Variants in SPATS2 observed in about 807,000 individuals in gnomAD.
The protein encoded by SPATS2 is spermatogenesis-associated serine-rich protein 2.
Under a neutral mutation model 63.7 loss-of-function variants are expected in SPATS2, and 38 were observed. The ratio of observed to expected loss-of-function variants is 0.60; its 90% CI spans 0.46 to 0.78. The LOEUF (loss-of-function observed/expected upper bound fraction) is 0.78. Among genes scored for constraint, SPATS2 ranks in the 30% least tolerant of loss-of-function variants. SPATS2 has a pLI of 0.00. For missense variants in SPATS2, 588 were observed against 666.2 expected (o/e 0.88, Z 1.29); for synonymous variants, 207 against 232.9 (o/e 0.89, Z 1.01).
At chr12:49,379,890 TG>T (rs1944183553) in intron 2 of SPATS2, among the ~76,000 whole-genome samples, 1 of 152,108 alleles carries the variant, frequency 6.6e-6, no homozygotes, top group African/African-American at 2.4e-5. Context: ...CCCAAAGTGC[TG>T]GGATTACAGG....
In SPATS2 at chr12:49,500,116, G is replaced by A. The variant is rs777536262; in HGVS notation, c.750G>A (p.Val250=). Residue 250 remains valine, a synonymous_variant, in exon 9 of 14, where the codon GTG becomes GTA. Transcript: ENST00000552918. ...TAAAAGACCTCCAGCGCTGCACAGT[G>A]TCTCTTGCACGGTATCGAGTTGTAG... The part of the protein sequence containing the change: ...KSVKDLQRCT[V]SLARYRVVVK... 8.7e-6 allele frequency: 14 copies of A among 1,605,198 alleles called. No homozygotes were observed. In the Admixed American group the frequency reaches 1.5e-4, roughly 18 times the overall value.
At chr12:49,393,930 C>T (rs1007206497) in intron 2 of SPATS2, among the ~76,000 whole-genome samples, 2 of 152,142 alleles carry the variant, frequency 1.3e-5, no homozygotes, top group Non-Finnish European at 2.9e-5. Flanking sequence ...GATCTTCCTG[C>T]CTCAAGTGAT....
intron 3 of SPATS2, among the ~76,000 whole-genome samples, chr12:49,475,285 A>T (rs899474312): frequency 6.6e-5 from 10 of 152,212 alleles, no homozygotes; most frequent in African/African-American, 2.4e-4. Context: ...ATATTTAGGG[A>T]TATATGCTTA....
chr12:49,372,259 A>G (rs1251964050), intron 2 of SPATS2, among the ~76,000 whole-genome samples: 1 of 152,102 alleles, frequency 6.6e-6, no homozygotes, highest in East Asian at 1.9e-4. Context: ...TGGCCAGTGT[A>G]ATCTCAAACT....
In SPATS2 at chr12:49,477,962, C is replaced by CTTTTTT. The variant is rs1002916907; in HGVS notation, c.26-6610_26-6605dup. 2.5e-4 allele frequency among the ~76,000 whole-genome samples: 26 copies of CTTTTTT among 105,230 alleles called. No individual in the cohort carries two copies. The South Asian group carries it at 6.6e-3, about 27-fold the overall frequency. The allele number at this position is 105,230 out of a possible 152,430, so 69.0% of individuals were successfully genotyped here. A position where few individuals can be genotyped will look rare whatever the true frequency, so the allele number is the denominator to read the frequency against. On this transcript the variant is annotated intron_variant, in intron 3 of 13. Coordinates refer to ENST00000552918, the MANE Select transcript of SPATS2 (RefSeq NM_023071.4). ...TAGTTTTTGGTTTTTGTGGTTTTGT[C>CTTTTTT]TTTTTTTTTTTTTTTTTTTTTTTAA...
intron 2 of SPATS2, among the ~76,000 whole-genome samples, chr12:49,380,908 G>A (rs1313290707): frequency 6.7e-6 from 1 of 149,306 alleles, no homozygotes; most frequent in African/African-American, 2.5e-5. Flanking sequence ...CTCAAAAGCT[G>A]GTGTCATAGT....
intron 2 of SPATS2, among the ~76,000 whole-genome samples, chr12:49,420,179 T>G (rs1361828356): frequency 6.6e-6 from 1 of 152,240 alleles, no homozygotes; most frequent in Non-Finnish European, 1.5e-5. Flanking sequence ...AAAAGGATGT[T>G]TCTTTCCCTT....
chr12:49,457,230 T>C (rs1042293155), intron 2 of SPATS2, among the ~76,000 whole-genome samples: 2 of 152,178 alleles, frequency 1.3e-5, no homozygotes, highest in Admixed American at 6.5e-5. Context: ...AAATTTCTTC[T>C]CTCATTGTAT....
At chr12:49,453,129 C>T (rs914246422) in intron 2 of SPATS2, among the ~76,000 whole-genome samples, 1 of 148,228 alleles carries the variant, frequency 6.7e-6, no homozygotes, top group Non-Finnish European at 1.5e-5. Context: ...ACTGCACTCC[C>T]ACCTGGGCTG....
In SPATS2 at chr12:49,368,436, A is replaced by G. The variant is rs1943941483; in HGVS notation, c.-307+849A>G. Among the ~76,000 whole-genome samples, 3 of 152,212 alleles carry G rather than the reference A, an allele frequency of 2.0e-5. No individual in the cohort carries two copies. In the South Asian group the frequency reaches 6.2e-4, roughly 32 times the overall value. On this transcript the variant is annotated intron_variant, in intron 1 of 13. Transcript: ENST00000552918. ...TTAAGTTAGGTCAGTGATAATGCAG[A>G]TTTCAGTGTTTTGGAGAGAACCAAA...
At chr12:49,469,164 G>A (rs952089109) in intron 3 of SPATS2, among the ~76,000 whole-genome samples, 20 of 151,894 alleles carry the variant, frequency 1.3e-4, no homozygotes, top group African/African-American at 3.1e-4. Flanking sequence ...TTGGAAGGCC[G>A]AGGCAGGCAG....
chr12:49,457,228 T>C (rs1945734525), intron 2 of SPATS2, among the ~76,000 whole-genome samples: 1 of 152,194 alleles, frequency 6.6e-6, no homozygotes, highest in African/African-American at 2.4e-5. Flanking sequence ...GGAAATTTCT[T>C]CTCTCATTGT....
At chr12:49,413,324 G>A (rs997342086) in intron 2 of SPATS2, among the ~76,000 whole-genome samples, 16 of 152,072 alleles carry the variant, frequency 1.1e-4, no homozygotes, top group Admixed American at 3.9e-4. Context: ...CTCTATTTTC[G>A]TGTAGTCACT....
intron 2 of SPATS2, among the ~76,000 whole-genome samples, chr12:49,410,106 C>T (rs997073050): frequency 5.3e-5 from 8 of 151,888 alleles, no homozygotes; most frequent in Non-Finnish European, 7.4e-5. Flanking sequence ...GATGGAGTCT[C>T]GCTCTGTCGC....
chr12:49,460,482 G>A (rs978577305), intron 2 of SPATS2, among the ~76,000 whole-genome samples: 2 of 151,862 alleles, frequency 1.3e-5, no homozygotes, highest in African/African-American at 4.8e-5. Context: ...CTTAGGGAGT[G>A]GTAAGAGGTG....
chr12:49,520,625 G>C (rs1178494713), intron 11 of SPATS2, among the ~76,000 whole-genome samples: 1 of 152,098 alleles, frequency 6.6e-6, no homozygotes, highest in Non-Finnish European at 1.5e-5. Context: ...TCTGTAAATA[G>C]TTGGTTGACC....
chr12:49,415,762 A>G (rs1381454817), intron 2 of SPATS2, among the ~76,000 whole-genome samples: 1 of 152,204 alleles, frequency 6.6e-6, no homozygotes, highest in African/African-American at 2.4e-5. Flanking sequence ...TTTTTGGGCC[A>G]TATGATCTCT....
intron 2 of SPATS2, among the ~76,000 whole-genome samples, chr12:49,427,981 C>A (rs905668182): frequency 6.6e-6 from 1 of 151,720 alleles, no homozygotes; most frequent in African/African-American, 2.4e-5. Context: ...TCAGGCCGGG[C>A]GCGGTGGCTC....
intron 3 of SPATS2, among the ~76,000 whole-genome samples, chr12:49,482,969 T>G (rs958340988): frequency 5.9e-5 from 9 of 151,402 alleles, no homozygotes; most frequent in African/African-American, 2.2e-4. Flanking sequence ...TTCTCCTTTT[T>G]ATAGAGGCAG....
Sources: gnomAD v4.1 joint callset for allele counts (sites outside exome capture counted in the v4.1 genomes callset) on GRCh38, gnomAD v4.1.1 for gene constraint, MANE v1.5 for transcripts, NCBI Gene and HGNC (gene_info 2026-07-23, HGNC 2026-07-21) for gene names.